Variants in EDA observed in about 807,000 individuals in gnomAD.
The protein encoded by EDA is ectodysplasin A.
A neutral mutation model predicts 23.6 loss-of-function variants in EDA; 2 were observed. That is an observed-to-expected ratio of 0.08 (90% CI 0.03 to 0.27). The LOEUF is 0.27. EDA is among the 10% of genes least tolerant of loss of function. The probability of loss-of-function intolerance (pLI) is 1.00; values close to 1 mark genes in which losing one functional copy is unlikely to be tolerated. For synonymous variants in EDA, 131 were observed against 132.0 expected (o/e 0.99, Z 0.05); for missense variants, 229 against 324.2 (o/e 0.71, Z 2.26).
intron 2 of EDA, among the ~76,000 whole-genome samples, chrX:69,976,571 T>C (rs1464227234): frequency 1.8e-5 from 2 of 112,403 alleles, no homozygotes; most frequent in African/African-American, 3.2e-5. Flanking sequence ...CAATGGGATA[T>C]TGTAAGACCA....
At chrX:69,713,115 T>A (rs961301561) in intron 1 of EDA, among the ~76,000 whole-genome samples, 8 of 109,132 alleles carry the variant, frequency 7.3e-5, no homozygotes, top group Non-Finnish European at 1.5e-4. Flanking sequence ...TAATGTTAAA[T>A]GACGAGTTAA....
intron 1 of EDA, among the ~76,000 whole-genome samples, chrX:69,723,822 G>T (rs948555080): frequency 9.0e-6 from 1 of 111,079 alleles, no homozygotes; most frequent in Non-Finnish European, 1.9e-5. Context: ...TTTTCTTCAG[G>T]AATTCAACCT....
intron 1 of EDA, among the ~76,000 whole-genome samples, chrX:69,910,370 AGAGAGTGTGTGTGT>A (rs1379831628): frequency 1.2e-3 from 55 of 46,139 alleles, no homozygotes; most frequent in African/African-American, 3.5e-3. Flanking sequence ...AGAGAGAGAG[AGAGAGTGTGTGTGT>A]GTGTGTGTGT....
intron 1 of EDA, among the ~76,000 whole-genome samples, chrX:69,822,787 G>A (rs186552034): frequency 4.6e-5 from 5 of 107,681 alleles, no homozygotes; most frequent in South Asian, 4.3e-4. Flanking sequence ...ATGCTGGTGC[G>A]CTGCACCCAC....
chrX:69,788,544 C>T (rs1308251663), intron 1 of EDA, among the ~76,000 whole-genome samples: 1 of 111,669 alleles, frequency 9.0e-6, no homozygotes, highest in Non-Finnish European at 1.9e-5. Flanking sequence ...TGTTGGAGTT[C>T]CTGGCCGTGT....
intron 1 of EDA, among the ~76,000 whole-genome samples, chrX:69,669,260 A>G (rs1359168581): frequency 9.1e-6 from 1 of 109,718 alleles, no homozygotes; most frequent in Non-Finnish European, 1.9e-5. Context: ...GGAGAAGTTA[A>G]TTCACTTACA....
intron 2 of EDA, among the ~76,000 whole-genome samples, chrX:69,992,832 C>G (rs2019607283): frequency 9.2e-6 from 1 of 108,859 alleles, no homozygotes; most frequent in Non-Finnish European, 1.9e-5. Context: ...TTATTCAGCT[C>G]TTTTCCTATG....
chrX:69,667,907 A>G (rs1396347921), intron 1 of EDA, among the ~76,000 whole-genome samples: 1 of 111,921 alleles, frequency 8.9e-6, no homozygotes, highest in Non-Finnish European at 1.9e-5. Flanking sequence ...ACTGGCTTTT[A>G]TAACAAGCCC....
chrX:69,661,153 A>C (rs1933488840), intron 1 of EDA, among the ~76,000 whole-genome samples: 1 of 108,659 alleles, frequency 9.2e-6, no homozygotes, highest in African/African-American at 3.4e-5. Flanking sequence ...TCTTTTGAGA[A>C]GTGTCTGTTC....
chrX:69,874,496 A>G (rs1465639297), intron 1 of EDA, among the ~76,000 whole-genome samples: 1 of 111,673 alleles, frequency 9.0e-6, no homozygotes, highest in Non-Finnish European at 1.9e-5. Flanking sequence ...ACATACCTTA[A>G]GATAATAAAG....
chrX:69,828,382 G>T (rs1309119393), intron 1 of EDA, among the ~76,000 whole-genome samples: 1 of 112,546 alleles, frequency 8.9e-6, no homozygotes, highest in Non-Finnish European at 1.9e-5. Flanking sequence ...TCCGAGTCAG[G>T]TGTGGGATAT....
At chrX:69,981,100 G>A (rs2019399281) in intron 2 of EDA, among the ~76,000 whole-genome samples, 1 of 111,511 alleles carries the variant, frequency 9.0e-6, no homozygotes, top group African/African-American at 3.3e-5. Context: ...TTTTTAAAGT[G>A]AAAGTTTAGA....
chrX:69,990,694 C>T (rs2019575193), intron 2 of EDA, among the ~76,000 whole-genome samples: 1 of 107,892 alleles, frequency 9.3e-6, no homozygotes, highest in African/African-American at 3.4e-5. Flanking sequence ...TGCTGGGTTG[C>T]TCCTTTTTTG....
chrX:70,011,791 G>A (rs1348211040), intron 2 of EDA, among the ~76,000 whole-genome samples: 1 of 111,067 alleles, frequency 9.0e-6, no homozygotes, highest in Non-Finnish European at 1.9e-5. Flanking sequence ...TCATTTTGAA[G>A]GATGGTTTCA....
intron 1 of EDA, among the ~76,000 whole-genome samples, chrX:69,955,161 T>C (rs1377931900): frequency 8.9e-6 from 1 of 112,033 alleles, no homozygotes; most frequent in Admixed American, 9.5e-5. Context: ...AGCTTATTTA[T>C]ATTGTGAGTT....
At chrX:69,668,528 GTTGATCTACCCA>G (rs1330827939) in intron 1 of EDA, among the ~76,000 whole-genome samples, 2 of 111,391 alleles carry the variant, frequency 1.8e-5, no homozygotes, top group Non-Finnish European at 3.8e-5. Context: ...TTTCTGTCTG[GTTGATCTACCCA>G]TTGATCTACC....
At position 70,004,438 on chromosome X, in the gene EDA, T is replaced by C. The variant is rs144248412; in HGVS notation, c.503-18780T>C. On this transcript the variant is annotated intron_variant, in intron 2 of 7. Coordinates refer to ENST00000374552, the MANE Select transcript of EDA (RefSeq NM_001399.5). The stretch of plus-strand genomic sequence containing the variant: ...CACGCTTTACAGCAGATGCTGAAAC[T>C]GTAATCTGGGTTCTGAACATGGGCA... Among the ~76,000 whole-genome samples the C allele has an allele frequency of 1.2e-4, 14 of 112,237 alleles. No individual in the cohort carries two copies. In the East Asian group the frequency reaches 3.9e-3, roughly 32 times the overall value.
chrX:69,701,834 G>A (rs2011541477), intron 1 of EDA, among the ~76,000 whole-genome samples: 1 of 111,508 alleles, frequency 9.0e-6, no homozygotes, highest in Non-Finnish European at 1.9e-5. Context: ...ATGTGGTCTC[G>A]ATGGCAGCAT....
intron 1 of EDA, among the ~76,000 whole-genome samples, chrX:69,826,867 C>G (rs1174731396): frequency 8.9e-6 from 1 of 111,949 alleles, no homozygotes. Context: ...TTAGCACTTC[C>G]TTCAGTAGCT....
Sources: allele counts gnomAD v4.1 joint callset (sites outside exome capture counted in the v4.1 genomes callset), GRCh38; gene constraint gnomAD v4.1.1; transcripts MANE v1.5; gene names NCBI Gene and HGNC (gene_info 2026-07-23, HGNC 2026-07-21).